The following SLC25A23 variants were observed in gnomAD, a reference collection of about 807,000 sequenced individuals.
SLC25A23 encodes mitochondrial adenyl nucleotide antiporter SLC25A23.
A neutral mutation model predicts 53.9 loss-of-function variants in SLC25A23; 32 were observed. That is an observed-to-expected ratio of 0.59 (90% CI 0.45 to 0.80). The LOEUF is 0.80. Among genes scored for constraint, SLC25A23 ranks in the 30% least tolerant of loss-of-function variants. The pLI, the probability that SLC25A23 is intolerant of heterozygous loss-of-function variation, is 0.00. For missense variants in SLC25A23, 575 were observed against 651.4 expected (o/e 0.88, Z 1.28); for synonymous variants, 275 against 264.5 (o/e 1.04, Z -0.38).
chr19:6,444,102 GC>G, intron 9 of SLC25A23, 48 bp downstream of exon 9: 1 of 1,474,948 alleles, frequency 6.8e-7, no homozygotes. Flanking sequence ...AGAAGCTGGG[GC>G]CCAAGCGATG....
chr19:6,455,616 T>C (rs1328823808), intron 4 of SLC25A23, among the ~76,000 whole-genome samples: 1 of 151,946 alleles, frequency 6.6e-6, no homozygotes. Flanking sequence ...CCAGACACAT[T>C]GCTCATAGAC....
intron 7 of SLC25A23, 36 bp from the exon 8 acceptor site, chr19:6,452,515 C>T: frequency 6.3e-7 from 1 of 1,574,846 alleles, no homozygotes; most frequent in Non-Finnish European, 8.7e-7. Context: ...AAAAGCTGTC[C>T]CACCAAATCG....
Position 6,454,458 on chromosome 19 carries a change from G to A in SLC25A23, c.660C>T (p.Thr220=), listed in dbSNP as rs781024193. 8 of 1,613,976 alleles carry A rather than the reference G, an allele frequency of 5.0e-6. No individual in the cohort carries two copies. The highest frequency in any genetic ancestry group is 5.9e-6 in the Non-Finnish European group (7 of 1,180,024). Reference sequence around the variant, plus strand: ...GCCCCCCAAGGATGTTCAGCCGGTTGGTCTTTGAGGCATGGACCTGAATGG... The same window carrying A: ...GCCCCCCAAGGATGTTCAGCCGGTTAGTCTTTGAGGCATGGACCTGAATGG... ...KVFMQVHASK[T]NRLNILGGLR... Residue 220 remains threonine, a synonymous_variant, in exon 6 of 10, where the codon ACC becomes ACT. Transcript: ENST00000301454. The surrounding 1 kb of genome is among the most constrained non-coding windows in gnomAD (Gnocchi z 4.3).
rs776646174 is a variant in SLC25A23 at position 6,452,369 on chromosome 19, G to A, written c.1014C>T (p.Tyr338=). ...REGPRAFYRG[Y]LPNVLGIIPY... is the part of the protein sequence containing the mutation. ...GGATGATGCCCAGCACGTTGGGGAG[G>A]TAGCCGCGGTAGAAGGCACGGGGCC... is the stretch of plus-strand genomic sequence containing the variant. Residue 338 remains tyrosine (Y), a synonymous_variant, in exon 8 of 10, where the codon TAC becomes TAT. Coordinates refer to ENST00000301454, the MANE Select transcript of SLC25A23 (RefSeq NM_024103.3). 1 of 1,613,674 alleles carries A rather than the reference G, an allele frequency of 6.2e-7. No individual in the cohort carries two copies. Among genetic ancestry groups the A allele is most frequent in the Non-Finnish European group, 8.5e-7 (1 of 1,179,882 alleles).
intron 8 of SLC25A23, among the ~76,000 whole-genome samples, chr19:6,450,287 G>C (rs899388706): frequency 6.6e-6 from 1 of 151,988 alleles, no homozygotes; most frequent in Non-Finnish European, 1.5e-5. Flanking sequence ...TTCCAGACCT[G>C]GGTACTAGAT....
chr19:6,443,334 G>T (rs772067197), intron 9 of SLC25A23, among the ~76,000 whole-genome samples: 7 of 152,046 alleles, frequency 4.6e-5, no homozygotes, highest in African/African-American at 7.2e-5. Context: ...TGATCCTCCG[G>T]CCTCAGCCTC....
In SLC25A23 at chr19:6,444,184, G is replaced by T. The variant is rs747988100; in HGVS notation, c.1189C>A (p.Leu397Met). Residue 397 changes from leucine (L) to methionine (M), a missense_variant, in exon 9 of 10, where the codon CTG (leucine) becomes ATG (methionine). Transcript: ENST00000301454. ...TGCATGCGGGTCCGGACCAGGGCCA[G>T]CGGGTAACTGGCTATCTGGCCGCAG... is the stretch of plus-strand genomic sequence containing the variant. ...STCGQIASYP[L>M]ALVRTRMQAQ... 1.3e-6 allele frequency: 2 copies of T among 1,597,598 alleles called. No individual in the cohort carries two copies. Among genetic ancestry groups the T allele is most frequent in the East Asian group, 4.5e-5 (2 of 44,384 alleles).
At chr19:6,449,255 CTTT>C (rs57753988) in intron 8 of SLC25A23, among the ~76,000 whole-genome samples, 10 of 138,148 alleles carry the variant, frequency 7.2e-5, no homozygotes, top group African/African-American at 1.1e-4. Flanking sequence ...TTCTTTCTTT[CTTT>C]TTTTTTTTTT....
chr19:6,445,299 G>A (rs1306140443), intron 8 of SLC25A23, among the ~76,000 whole-genome samples: 2 of 151,756 alleles, frequency 1.3e-5, no homozygotes, highest in Admixed American at 1.3e-4. Context: ...AGTAGAGATG[G>A]GGTTTCACCA....
intron 8 of SLC25A23, 79 bp downstream of exon 8, chr19:6,452,232 GC>G: frequency 6.5e-7 from 1 of 1,528,032 alleles, no homozygotes; most frequent in South Asian, 1.2e-5. Flanking sequence ...AACTGAGCCA[GC>G]CCCAGGGGAA....
At chr19:6,452,609 A>C in intron 7 of SLC25A23, 130 bp from the exon 8 acceptor site, 1 of 1,115,812 alleles carries the variant, frequency 9.0e-7, no homozygotes. Flanking sequence ...AAAACCACCT[A>C]CTCTAGAATC....
At chr19:6,458,469 T>C (rs1199199044) in intron 1 of SLC25A23, 145 bp from the exon 2 acceptor site, 32 of 882,630 alleles carry the variant, frequency 3.6e-5, no homozygotes, top group Non-Finnish European at 5.0e-5. Context: ...TCTCCCTCAG[T>C]CAGCTAACTT....
chr19:6,458,179 GCAGGTCGCCC>G lies in SLC25A23; in HGVS notation c.283+9_283+18del, dbSNP rs1258186462. On this transcript the variant is annotated intron_variant, in intron 2 of 9. Coordinates refer to ENST00000301454, the MANE Select transcript of SLC25A23 (RefSeq NM_024103.3). ...CAGCCCTATCCCTTGGGGCCTGCAG[GCAGGTCGCCC>G]GACCTTACCATCCTGGTTCCGGTCA... 13 of 1,611,994 alleles carry G rather than the reference GCAGGTCGCCC, an allele frequency of 8.1e-6. No individual in the cohort carries two copies. The highest frequency in any genetic ancestry group is 1.1e-5 in the Non-Finnish European group (13 of 1,179,576).
chr19:6,458,121 G>C, intron 2 of SLC25A23, 77 bp downstream of exon 2: 1 of 1,556,496 alleles, frequency 6.4e-7, no homozygotes, highest in South Asian at 1.2e-5. Flanking sequence ...AGCGCTGCCA[G>C]TTCTAACCCC....
downstream of SLC25A23, among the ~76,000 whole-genome samples, chr19:6,437,788 G>A (rs1316279184): frequency 8.2e-5 from 11 of 134,536 alleles, no homozygotes; most frequent in East Asian, 1.4e-3. Flanking sequence ...CAGCCTAGGC[G>A]ACAGAGCAAG....
chr19:6,447,717 C>G (rs1254139958), intron 8 of SLC25A23, among the ~76,000 whole-genome samples: 1 of 151,818 alleles, frequency 6.6e-6, no homozygotes, highest in Admixed American at 6.6e-5. Flanking sequence ...GTCGCCCAGG[C>G]TGGAGTGCAG....
intron 8 of SLC25A23, among the ~76,000 whole-genome samples, chr19:6,451,441 G>A (rs904701683): frequency 3.9e-5 from 6 of 152,154 alleles, no homozygotes; most frequent in Non-Finnish European, 7.3e-5. Context: ...GTAGCAGAGC[G>A]TTACACCAAG....
rs148091799 is a variant in SLC25A23 at position 6,454,298 on chromosome 19, C to A, written c.795+25G>T. The A allele has an allele frequency of 2.5e-6, 4 of 1,604,992 alleles. No individual in the cohort carries two copies. The highest frequency in any genetic ancestry group is 1.7e-5 in the Admixed American group (1 of 59,254). ...AGCCCAGTCTTCCCTATGGCAAGCACATTCCTCCCTGTACCTGCCCTCACC... is the reference window on the plus strand; with the variant it reads ...AGCCCAGTCTTCCCTATGGCAAGCAAATTCCTCCCTGTACCTGCCCTCACC... On this transcript the variant is annotated intron_variant, in intron 6 of 9. Transcript: ENST00000301454. The surrounding 1 kb of genome is among the most constrained non-coding windows in gnomAD (Gnocchi z 4.3).
At chr19:6,445,525 G>A (rs2092490580) in intron 8 of SLC25A23, among the ~76,000 whole-genome samples, 1 of 152,204 alleles carries the variant, frequency 6.6e-6, no homozygotes, top group South Asian at 2.1e-4. Flanking sequence ...CACAAGCCAA[G>A]GAGTGCAGGC....
Sources: gnomAD v4.1 joint callset for allele counts (sites outside exome capture counted in the v4.1 genomes callset) on GRCh38, gnomAD v4.1.1 for gene constraint, Gnocchi (gnomAD v3.1) non-coding constraint, MANE v1.5 for transcripts, NCBI Gene and HGNC (gene_info 2026-07-23, HGNC 2026-07-21) for gene names.